The following TRPM3 variants were observed in gnomAD, a reference collection of about 807,000 sequenced individuals.
TRPM3 encodes long transient receptor potential channel 3.
A neutral mutation model predicts 181.2 loss-of-function variants in TRPM3; 77 were observed. That is an observed-to-expected ratio of 0.42 (90% confidence interval 0.35 to 0.51). The LOEUF (loss-of-function observed/expected upper bound fraction) is 0.51, where lower values mean the gene tolerates loss of function less well. TRPM3 is among the 20% of genes least tolerant of loss of function. TRPM3 has a pLI of 0.01. For missense variants in TRPM3, 1,759 were observed against 2,196.7 expected (o/e 0.80, Z 3.98); for synonymous variants, 745 against 796.4 (o/e 0.94, Z 1.09).
chr9:70,756,037 T>A (rs991469407), intron 8 of TRPM3, among the ~76,000 whole-genome samples: 2 of 151,846 alleles, frequency 1.3e-5, no homozygotes, highest in African/African-American at 4.8e-5. Flanking sequence ...TTGAGACTCA[T>A]CGGTATGCTG....
At chr9:70,874,856 A>G (rs1266216254) in intron 1 of TRPM3, among the ~76,000 whole-genome samples, 1 of 151,922 alleles carries the variant, frequency 6.6e-6, no homozygotes, top group African/African-American at 2.4e-5. Context: ...ACTACTAAAA[A>G]AAAATCAATC....
At chr9:70,639,342 C>G (rs1015859618) in intron 10 of TRPM3, 148 bp from the exon 11 acceptor site, 2 of 829,078 alleles carry the variant, frequency 2.4e-6, no homozygotes, top group African/African-American at 3.4e-5. Flanking sequence ...AGACTGTTCA[C>G]AGATTCACTT....
chr9:70,877,116 C>T (rs567266816), intron 1 of TRPM3, among the ~76,000 whole-genome samples: 4 of 151,956 alleles, frequency 2.6e-5, no homozygotes, highest in East Asian at 3.9e-4. Context: ...TTTAAAATGA[C>T]GAATTAGCTC....
chr9:71,134,046 C>T (rs533208935), intron 1 of TRPM3, among the ~76,000 whole-genome samples: 3 of 150,416 alleles, frequency 2.0e-5, no homozygotes, highest in African/African-American at 7.3e-5. Context: ...TCTGTGTTTG[C>T]ATCTCAATCT....
At chr9:71,350,362 T>G (rs768751067) in intron 1 of TRPM3, among the ~76,000 whole-genome samples, 1 of 152,196 alleles carries the variant, frequency 6.6e-6, no homozygotes, top group Non-Finnish European at 1.5e-5. Flanking sequence ...CTTTCAATAC[T>G]CCGGTTAGTT....
At chr9:70,999,563 T>C (rs2097577103) in intron 1 of TRPM3, among the ~76,000 whole-genome samples, 2 of 152,228 alleles carry the variant, frequency 1.3e-5, no homozygotes, top group Non-Finnish European at 2.9e-5. Context: ...CTCCAGTGTA[T>C]TATTTCTCTG....
chr9:71,168,428 G>C (rs181415487), intron 1 of TRPM3, among the ~76,000 whole-genome samples: 3 of 151,208 alleles, frequency 2.0e-5, no homozygotes, highest in Non-Finnish European at 4.4e-5. Context: ...TAGAATTACT[G>C]AGAGTTTAAA....
intron 1 of TRPM3, among the ~76,000 whole-genome samples, chr9:71,034,457 G>A (rs971418798): frequency 1.3e-5 from 2 of 152,236 alleles, no homozygotes; most frequent in African/African-American, 4.8e-5. Flanking sequence ...TCCTATACTG[G>A]GTTTGGGGTC....
chr9:70,605,523 C>T (rs956903233), intron 19 of TRPM3, among the ~76,000 whole-genome samples: 3 of 151,570 alleles, frequency 2.0e-5, no homozygotes, highest in Non-Finnish European at 2.9e-5. Context: ...GGAGCATTGG[C>T]AAATCATGAA....
chr9:70,664,652 T>TTTG (rs2061583195), intron 9 of TRPM3, among the ~76,000 whole-genome samples: 1 of 88,148 alleles, frequency 1.1e-5, no homozygotes, highest in African/African-American at 4.7e-5. Flanking sequence ...TTTTTTTTTT[T>TTTG]TTTTTTTTTT....
chr9:71,285,025 C>G (rs2085165165), intron 1 of TRPM3, among the ~76,000 whole-genome samples: 1 of 152,090 alleles, frequency 6.6e-6, no homozygotes, highest in Non-Finnish European at 1.5e-5. Context: ...TTAAAATCAG[C>G]AAACATAGAA....
chr9:71,121,692 T>C (rs533371462), upstream of TRPM3: 2 of 1,054,204 alleles, frequency 1.9e-6, no homozygotes. Flanking sequence ...GGGCCATTGC[T>C]TTGCTAGCTT....
At chr9:71,275,353 T>C (rs1394882392) in intron 1 of TRPM3, among the ~76,000 whole-genome samples, 4 of 152,190 alleles carry the variant, frequency 2.6e-5, no homozygotes, top group Non-Finnish European at 5.9e-5. Flanking sequence ...ATGGTGAAAA[T>C]TGTAACATTT....
chr9:71,212,890 G>A (rs1354458), intron 1 of TRPM3, among the ~76,000 whole-genome samples: 42,059 of 151,956 alleles, frequency 0.28, 6,224 homozygotes, highest in Admixed American at 0.36. Context: ...CACTTCACAG[G>A]AAAGACTGAT....
intron 1 of TRPM3, among the ~76,000 whole-genome samples, chr9:71,258,037 A>G (rs1453640612): frequency 1.3e-5 from 2 of 152,244 alleles, no homozygotes; most frequent in African/African-American, 4.8e-5. Flanking sequence ...GGTTTCCACC[A>G]TCTAAAAAGT....
At chr9:70,666,363 G>A (rs1413556619) in intron 9 of TRPM3, among the ~76,000 whole-genome samples, 2 of 152,160 alleles carry the variant, frequency 1.3e-5, no homozygotes, top group Non-Finnish European at 2.9e-5. Context: ...TTTGTGTTCT[G>A]TATTTGTTTA....
intron 1 of TRPM3, among the ~76,000 whole-genome samples, chr9:71,362,798 C>T (rs774633690): frequency 6.6e-6 from 1 of 152,092 alleles, no homozygotes; most frequent in African/African-American, 2.4e-5. Context: ...GATTTGGGAA[C>T]ACAGATTATG....
chr9:71,315,714 A>T (rs2088518589), intron 1 of TRPM3, among the ~76,000 whole-genome samples: 1 of 152,178 alleles, frequency 6.6e-6, no homozygotes, highest in Non-Finnish European at 1.5e-5. Context: ...AGAGGATATT[A>T]TCCAGCAATG....
At chr9:70,604,961 C>CT (rs1554774923) in intron 19 of TRPM3, among the ~76,000 whole-genome samples, 1 of 4,906 alleles carries the variant, frequency 2.0e-4, no homozygotes, top group South Asian at 8.3e-3. Flanking sequence ...TGAATGGATT[C>CT]TTCTTTTTTT....
Sources: allele counts gnomAD v4.1 joint callset (sites outside exome capture counted in the v4.1 genomes callset), GRCh38; gene constraint gnomAD v4.1.1; transcripts MANE v1.5; gene names NCBI Gene and HGNC (gene_info 2026-07-23, HGNC 2026-07-21).